L3MBTL4: variants seen among roughly 807,000 people sequenced by gnomAD.
L3MBTL4 encodes the protein lethal(3)malignant brain tumor-like protein 4.
L3MBTL4 carries 70 observed loss-of-function variants against 84.5 expected under a neutral mutation model. The ratio of observed to expected loss-of-function variants is 0.83; its 90% CI spans 0.68 to 1.01. The LOEUF is 1.01. L3MBTL4 is among the 50% of genes least tolerant of loss of function. The probability of loss-of-function intolerance (pLI) is 0.00; values close to 1 mark genes in which losing one functional copy is unlikely to be tolerated. For missense variants in L3MBTL4, 715 were observed against 754.8 expected, an observed-to-expected ratio of 0.95 and a Z score of 0.62; for synonymous variants, 274 against 259.8, an observed-to-expected ratio of 1.05 and a Z score of -0.52.
chr18:6,341,925 A>G lies in L3MBTL4; in HGVS notation c.-90-29869T>C, dbSNP rs1225613205. The stretch of plus-strand genomic sequence containing the variant: ...ACTCATCACATATAAGGGAAACACC[A>G]TAAGACTGTGAATGAATTTATCAGC... On this transcript the variant is annotated intron_variant, in intron 1 of 18. Coordinates refer to ENST00000317931, the MANE Select transcript of L3MBTL4 (RefSeq NM_001330559.2). 2.0e-5 allele frequency among the ~76,000 whole-genome samples: 3 copies of G among 152,188 alleles called. No homozygotes were observed. In the East Asian group the frequency reaches 5.8e-4, roughly 29 times the overall value.
intron 12 of L3MBTL4, among the ~76,000 whole-genome samples, chr18:6,194,026 C>A (rs1203122423): frequency 6.6e-6 from 1 of 152,120 alleles, no homozygotes; most frequent in African/African-American, 2.4e-5. Flanking sequence ...CATTAAATGT[C>A]CTCCAGTCAA....
At chr18:6,295,346 C>CTCTCTCTATATATATATATATATATATA (rs1261475809) in intron 4 of L3MBTL4, among the ~76,000 whole-genome samples, 1 of 81,388 alleles carries the variant, frequency 1.2e-5, no homozygotes, top group African/African-American at 6.6e-5. Flanking sequence ...CTCTCTCTCT[C>CTCTCTCTATATATATATATATATATATA]TATATATATA....
chr18:6,169,702 T>G (rs902088432), intron 13 of L3MBTL4, among the ~76,000 whole-genome samples: 59 of 146,888 alleles, frequency 4.0e-4, no homozygotes, highest in Admixed American at 8.1e-4. Flanking sequence ...GGGGGAGGGA[T>G]AGCATTAGGA....
intron 5 of L3MBTL4, among the ~76,000 whole-genome samples, chr18:6,257,992 G>A (rs1289364675): frequency 6.6e-6 from 1 of 152,182 alleles, no homozygotes; most frequent in African/African-American, 2.4e-5. Context: ...TTACAGGCAG[G>A]CCCTGAGATA....
intron 4 of L3MBTL4, among the ~76,000 whole-genome samples, chr18:6,295,307 CAA>C (rs1476789004): frequency 6.7e-5 from 6 of 89,492 alleles, no homozygotes; most frequent in African/African-American, 1.9e-4. Context: ...ACAACAACAA[CAA>C]CTCTCTCTCT....
At chr18:6,315,460 A>G (rs975930234) in intron 1 of L3MBTL4, among the ~76,000 whole-genome samples, 13 of 152,204 alleles carry the variant, frequency 8.5e-5, no homozygotes, top group African/African-American at 3.1e-4. Context: ...TCAGTCCTCT[A>G]CGTATACACT....
chr18:6,385,962 A>AT (rs2054799517), intron 1 of L3MBTL4, among the ~76,000 whole-genome samples: 1 of 152,200 alleles, frequency 6.6e-6, no homozygotes, highest in Non-Finnish European at 1.5e-5. Flanking sequence ...TTCAACAACC[A>AT]TTTCACAAGG....
chr18:6,269,309 T>G (rs1481256144), intron 4 of L3MBTL4, among the ~76,000 whole-genome samples: 2 of 151,694 alleles, frequency 1.3e-5, no homozygotes, highest in African/African-American at 4.8e-5. Flanking sequence ...TACAAAAAAT[T>G]AGCCAGGAAT....
At chr18:6,131,369 G>A (rs1598852580) in intron 14 of L3MBTL4, among the ~76,000 whole-genome samples, 1 of 152,122 alleles carries the variant, frequency 6.6e-6, no homozygotes, top group Non-Finnish European at 1.5e-5. Flanking sequence ...CCAAACCGGA[G>A]GGGCTTGGTC....
Position 6,215,807 on chromosome 18 carries a change from C to T in L3MBTL4, c.813G>A (p.Trp271Ter). Residue 271 changes from tryptophan (W) to a stop codon, truncating the protein, a stop_gained, in exon 11 of 19, where the codon TGG (tryptophan) becomes TGA (stop). Transcript: ENST00000317931. LOFTEE classifies it high-confidence loss of function. ...QGYPNPENFSWTEYLEATQTN... is the reference protein window; with the variant it reads ...QGYPNPENFS ...TTTGAGTAGCTTCCAGGTATTCTGT[C>T]CAGGAAAAATTTTCTGGATTGGGAT... 1 of 1,604,200 alleles carries T rather than the reference C, an allele frequency of 6.2e-7. No homozygotes were observed. The highest frequency in any genetic ancestry group is 8.5e-7 in the Non-Finnish European group (1 of 1,175,862).
chr18:6,025,784 G>T (rs1339365197), intron 16 of L3MBTL4, among the ~76,000 whole-genome samples: 1 of 152,168 alleles, frequency 6.6e-6, no homozygotes, highest in East Asian at 1.9e-4. Flanking sequence ...TCACAATAGG[G>T]TTCACGCTCC....
chr18:6,062,749 A>G (rs2057269694), intron 16 of L3MBTL4, among the ~76,000 whole-genome samples: 1 of 151,776 alleles, frequency 6.6e-6, no homozygotes, highest in Non-Finnish European at 1.5e-5. Context: ...TGCTTTCTTC[A>G]GTCATGTTGA....
intron 1 of L3MBTL4, among the ~76,000 whole-genome samples, chr18:6,344,295 A>G (rs1472579289): frequency 1.3e-5 from 2 of 152,214 alleles, no homozygotes; most frequent in Non-Finnish European, 2.9e-5. Flanking sequence ...TGGATGACCT[A>G]GAAGAAATGG....
intron 10 of L3MBTL4, among the ~76,000 whole-genome samples, chr18:6,216,933 T>C (rs1309092357): frequency 6.6e-6 from 1 of 152,128 alleles, no homozygotes; most frequent in Non-Finnish European, 1.5e-5. Context: ...TAAAATAGAG[T>C]CAACAATTTT....
In L3MBTL4 at chr18:5,976,699, A is replaced by G. The variant is rs138127809; in HGVS notation, c.1445-7137T>C. ...TCTGAGCCATGTGTTTGTCTGGCTT[A>G]TAACTGATGCTCAACAAATACCTGT... On this transcript the variant is annotated intron_variant, in intron 16 of 18. Transcript: ENST00000317931. 1.9e-3 allele frequency among the ~76,000 whole-genome samples: 286 copies of G among 152,292 alleles called. 2 individuals carry two copies. Among genetic ancestry groups the G allele is most frequent in the African/African-American group, 6.7e-3 (278 of 41,552 alleles).
chr18:6,079,936 T>C (rs2058014520), intron 16 of L3MBTL4: 1 of 152,250 alleles, frequency 6.6e-6, no homozygotes, highest in African/African-American at 2.4e-5. Flanking sequence ...CTCTCTTTTC[T>C]GAGGAAAAGG....
intron 3 of L3MBTL4, among the ~76,000 whole-genome samples, chr18:6,311,197 T>G (rs1029018896): frequency 2.6e-5 from 4 of 151,986 alleles, no homozygotes; most frequent in African/African-American, 9.7e-5. Context: ...CACAAAAATA[T>G]CACACACATA....
intron 10 of L3MBTL4, among the ~76,000 whole-genome samples, chr18:6,230,186 GA>G (rs1291411567): frequency 2.6e-5 from 4 of 152,124 alleles, no homozygotes; most frequent in Non-Finnish European, 5.9e-5. Flanking sequence ...CAGGTAATAA[GA>G]GAGGTAAAAA....
chr18:6,386,514 C>G (rs2054825349), intron 1 of L3MBTL4, among the ~76,000 whole-genome samples: 1 of 152,226 alleles, frequency 6.6e-6, no homozygotes, highest in Non-Finnish European at 1.5e-5. Flanking sequence ...TCACAGAGCT[C>G]ACATTCTAAC....
Sources: allele counts gnomAD v4.1 joint callset (sites outside exome capture counted in the v4.1 genomes callset), GRCh38; gene constraint gnomAD v4.1.1; transcripts MANE v1.5; gene names NCBI Gene and HGNC (gene_info 2026-07-23, HGNC 2026-07-21).